Variants in GRIN2D observed in about 807,000 individuals in gnomAD.
GRIN2D encodes glutamate ionotropic receptor NMDA type subunit 2D, also known as glutamate receptor ionotropic, NMDA 2D.
In GRIN2D, 37 loss-of-function variants were observed where a neutral mutation model predicts 103.2. That is an observed-to-expected ratio of 0.36 (90% CI 0.28 to 0.47). The LOEUF (loss-of-function observed/expected upper bound fraction) is 0.47. GRIN2D is among the 20% of genes least tolerant of loss of function. GRIN2D has a pLI of 1.00. For synonymous variants in GRIN2D, 845 were observed against 885.6 expected, an observed-to-expected ratio of 0.95 and a Z score of 0.81; for missense variants, 1,557 against 1,910.6, an observed-to-expected ratio of 0.81 and a Z score of 3.45.
At chr19:48,436,105 C>CG (rs984630906) in intron 11 of GRIN2D, among the ~76,000 whole-genome samples, 6 of 152,096 alleles carry the variant, frequency 3.9e-5, no homozygotes, top group Admixed American at 1.3e-4. Flanking sequence ...TTTATCAAGA[C>CG]GGGGGGTCTG....
rs953945564 is a variant in GRIN2D, at chr19:48,393,830, C to G, written c.-344C>G. On this transcript the variant is annotated 5_prime_UTR_variant, in exon 1 of 14. Transcript: ENST00000263269. The surrounding 1 kb of genome is among the most constrained non-coding windows in gnomAD (Gnocchi z 5.6). ...GGGGTGTTGCCTGGGTAGGTCGGCC[C>G]GGCCCCCAGGGGTCTCTCGAGCGTC... 6.6e-6 allele frequency among the ~76,000 whole-genome samples: 1 copy of G among 151,934 alleles called. No individual in the cohort carries two copies. The highest frequency in any genetic ancestry group is 1.5e-5 in the Non-Finnish European group (1 of 67,972).
intron 11 of GRIN2D, among the ~76,000 whole-genome samples, chr19:48,432,384 A>G (rs1283162705): frequency 1.3e-5 from 2 of 151,482 alleles, no homozygotes; most frequent in African/African-American, 2.4e-5. Flanking sequence ...GGGTCTTTCA[A>G]TCGTATTCTC....
In GRIN2D at chr19:48,405,195, G is replaced by A. The variant is rs369747884; in HGVS notation, c.927G>A (p.Ser309=). Residue 309 remains serine, a synonymous_variant, in exon 4 of 14, where the codon TCG becomes TCA. Coordinates refer to ENST00000263269, the MANE Select transcript of GRIN2D (RefSeq NM_000836.4). The surrounding 1 kb of genome is among the most constrained non-coding windows in gnomAD (Gnocchi z 5.1). ...CTGCCGGGCTGTTTGCAGTGCGCTC[G>A]GCTGGCTGGCGGGATGACCTGGCTC... The part of the protein sequence containing the change: ...PLPAGLFAVR[S]AGWRDDLARR... 301 of 1,602,364 alleles carry A rather than the reference G, an allele frequency of 1.9e-4. 1 individual carries two copies. Among genetic ancestry groups the A allele is most frequent in the Admixed American group, 3.7e-4 (22 of 59,424 alleles).
At position 48,414,486 on chromosome 19, in the gene GRIN2D, G is replaced by A; in HGVS notation, c.1314G>A (p.Glu438=). The A allele has an allele frequency of 6.3e-7, 1 of 1,594,224 alleles. No individual in the cohort carries two copies. Among genetic ancestry groups the A allele is most frequent in the South Asian group, 1.1e-5 (1 of 88,006 alleles). ...AGCACCTCACGGTGGCCACGCTGGA[G>A]GAAAGGCCGTTTGTCATCGTGGAGC... is the stretch of plus-strand genomic sequence containing the variant. The part of the protein sequence containing the change: ...DTQHLTVATL[E]ERPFVIVEPA... The change falls in exon 6 of 14, where the codon GAG becomes GAA. Residue 438 remains glutamate, a synonymous_variant. Coordinates refer to ENST00000263269, the MANE Select transcript of GRIN2D (RefSeq NM_000836.4). The surrounding 1 kb of genome is among the most constrained non-coding windows in gnomAD (Gnocchi z 4.6).
chr19:48,419,448 G>T lies in GRIN2D; in HGVS notation c.1861+89G>T, dbSNP rs541207892. 2.9e-5 allele frequency: 44 copies of T among 1,499,506 alleles called. 1 individual carries two copies. In the Admixed American group the frequency reaches 3.7e-4, roughly 13 times the overall value. 92.9% of individuals were successfully genotyped at this position (1,499,506 alleles called of 1,614,324 possible). ...TTTCCCAGCAGCCCCTGGAGGGGGGGCGGTCAAGCTAGGGCCTCTCGGGAG... is the reference window on the plus strand; with the variant it reads ...TTTCCCAGCAGCCCCTGGAGGGGGGTCGGTCAAGCTAGGGCCTCTCGGGAG... On this transcript the variant is annotated intron_variant, in intron 9 of 13. Coordinates refer to ENST00000263269, the MANE Select transcript of GRIN2D (RefSeq NM_000836.4).
chr19:48,398,733 G>A lies in GRIN2D; in HGVS notation c.341G>A (p.Gly114Asp). 1.4e-6 allele frequency: 2 copies of A among 1,467,762 alleles called. No individual in the cohort carries two copies. The allele number at this position is 1,467,762 out of a possible 1,614,324, so 90.9% of individuals were successfully genotyped here. Residue 114 changes from glycine (G) to aspartate (D), a missense_variant, in exon 3 of 14, where the codon GGC becomes GAC. Gly to Asp is a moderately conservative substitution (Grantham distance 94, BLOSUM62 -1). This residue lies in a region of GRIN2D where 490 missense variants were observed against 601.1 expected (regional missense o/e 0.82). Transcript: ENST00000263269. ...CTGCTGTCGGGGTTGCGCGTGCACG[G>A]CGTGGTCTTCGAAGACGACTCGCGC... ...CDLLSGLRVH[G>D]VVFEDDSRAP...
chr19:48,398,566 G>A lies in GRIN2D; in HGVS notation c.174G>A (p.Ser58=). The change falls in exon 3 of 14, where the codon TCG becomes TCA. Residue 58 remains serine, a synonymous_variant. Coordinates refer to ENST00000263269, the MANE Select transcript of GRIN2D (RefSeq NM_000836.4). ...ARPLNVALVF[S]GPAYAAEAAR... is the part of the protein sequence containing the mutation. ...CGCTCAACGTGGCGCTCGTGTTCTCGGGGCCCGCGTACGCGGCCGAGGCGG... is the reference window on the plus strand; with the variant it reads ...CGCTCAACGTGGCGCTCGTGTTCTCAGGGCCCGCGTACGCGGCCGAGGCGG... 1 of 1,178,332 alleles carries A rather than the reference G, an allele frequency of 8.5e-7. No homozygotes were observed. The highest frequency in any genetic ancestry group is 1.0e-6 in the Non-Finnish European group (1 of 954,332). 73.0% of individuals were successfully genotyped at this position (1,178,332 alleles called of 1,614,324 possible). A position where few individuals can be genotyped will look rare whatever the true frequency, so the allele number is the denominator to read the frequency against.
At position 48,443,802 on chromosome 19, in the gene GRIN2D, C is replaced by G. The variant is rs1193405750; in HGVS notation, c.3876C>G (p.Arg1292=). 1 of 1,476,300 alleles carries G rather than the reference C, an allele frequency of 6.8e-7. No homozygotes were observed. Among genetic ancestry groups the G allele is most frequent in the Non-Finnish European group, 8.9e-7 (1 of 1,121,664 alleles). 91.5% of individuals were successfully genotyped at this position (1,476,300 alleles called of 1,614,324 possible). ...APARRLTGPS[R]HARRCPHAAH... is the part of the protein sequence containing the mutation. ...CGCGCAGGCTTACCGGGCCCTCCCGCCACGCTCGCAGGTGTCCGCACGCCG... is the reference window on the plus strand; with the variant it reads ...CGCGCAGGCTTACCGGGCCCTCCCGGCACGCTCGCAGGTGTCCGCACGCCG... Residue 1292 remains arginine (R), a synonymous_variant, in exon 14 of 14, where the codon CGC becomes CGG. Transcript: ENST00000263269. This position sits in a 1 kb window ranked among gnomAD's most constrained non-coding sequence, Gnocchi z 8.9.
In GRIN2D at chr19:48,442,079, C is replaced by CA. The variant is rs1486076113; in HGVS notation, c.2441-70dup. ...GAGGGAGGAAGGGGCTAAGGGCCTA[C>CA]ATTCCCACATCACAGACAAGGGTCC... On this transcript the variant is annotated intron_variant, in intron 12 of 13. Transcript: ENST00000263269. The surrounding 1 kb of genome is among the most constrained non-coding windows in gnomAD (Gnocchi z 7.2). The CA allele has an allele frequency of 2.6e-6, 4 of 1,527,732 alleles. No individual in the cohort carries two copies. The Admixed American group carries it at 6.9e-5, about 26-fold the overall frequency. 94.6% of individuals were successfully genotyped at this position (1,527,732 alleles called of 1,614,324 possible).
Position 48,419,221 on chromosome 19 carries a change from C to T in GRIN2D, c.1736-13C>T. On this transcript the variant is annotated splice_polypyrimidine_tract_variant and intron_variant, in intron 8 of 13. Transcript: ENST00000263269. The stretch of plus-strand genomic sequence containing the variant: ...CTTGGCTGAGCCATAACCACGCACT[C>T]CCTTGTCCCCAGAGCCCTACAGCCC... The T allele has an allele frequency of 6.2e-7, 1 of 1,600,550 alleles. No individual in the cohort carries two copies. Among genetic ancestry groups the T allele is most frequent in the Non-Finnish European group, 8.5e-7 (1 of 1,176,714 alleles).
Position 48,427,472 on chromosome 19 carries a change from CT to C in GRIN2D, c.2252+5552del, listed in dbSNP as rs1038381293. On this transcript the variant is annotated intron_variant, in intron 11 of 13. Transcript: ENST00000263269. Reference sequence around the variant, plus strand: ...TGGGATCATTCCTATATCTTCTTTTCTTTTTTTTTTTTTTTTTTTTTTTTTG... The same window carrying C: ...TGGGATCATTCCTATATCTTCTTTTCTTTTTTTTTTTTTTTTTTTTTTTTG... Among the ~76,000 whole-genome samples the C allele has an allele frequency of 1.0e-2, 829 of 83,280 alleles. 1 individual carries two copies. The highest frequency in any genetic ancestry group is 0.033 in the African/African-American group (646 of 19,696). 54.6% of individuals were successfully genotyped at this position (83,280 alleles called of 152,430 possible).
chr19:48,395,192 C>T (rs1362542361), intron 2 of GRIN2D, among the ~76,000 whole-genome samples: 2 of 151,912 alleles, frequency 1.3e-5, no homozygotes, highest in South Asian at 4.1e-4. Flanking sequence ...GGCTCCCTCT[C>T]CCCATCCCCA....
intron 3 of GRIN2D, among the ~76,000 whole-genome samples, chr19:48,401,962 T>A (rs1382278299): frequency 6.6e-6 from 1 of 152,026 alleles, no homozygotes; most frequent in Non-Finnish European, 1.5e-5. Flanking sequence ...GAGCTTGGCA[T>A]GGTGGTGCAT....
Position 48,442,342 on chromosome 19 carries a change from G to A in GRIN2D, c.2633G>A (p.Gly878Glu), listed in dbSNP as rs1421309033. 6.2e-7 allele frequency: 1 copy of A among 1,613,404 alleles called. No individual in the cohort carries two copies. Among genetic ancestry groups the A allele is most frequent in the Non-Finnish European group, 8.5e-7 (1 of 1,180,004 alleles). Reference protein sequence around the residue: ...LVYWRLRHCLGPTHRMDFLLA... With the variant: ...LVYWRLRHCLEPTHRMDFLLA... ...TACTGGCGCCTGCGGCACTGCCTGG[G>A]GCCCACCCACCGCATGGACTTCCTG... The change falls in exon 13 of 14, where the codon GGG (glycine) becomes GAG (glutamate). Residue 878 changes from glycine (G) to glutamate (E), a missense_variant. By Grantham distance (98) the Gly-to-Glu change is moderately conservative. Transcript: ENST00000263269. This position sits in a 1 kb window ranked among gnomAD's most constrained non-coding sequence, Gnocchi z 7.2.
At chr19:48,415,336 A>C (rs1600979187) in intron 7 of GRIN2D, among the ~76,000 whole-genome samples, 2 of 151,678 alleles carry the variant, frequency 1.3e-5, no homozygotes, top group African/African-American at 4.8e-5. Flanking sequence ...GCGCCACTGC[A>C]CTCCAGCCTG....
At chr19:48,417,454 A>C (rs1032551507) in intron 8 of GRIN2D, among the ~76,000 whole-genome samples, 3 of 152,158 alleles carry the variant, frequency 2.0e-5, no homozygotes, top group African/African-American at 7.2e-5. Flanking sequence ...AGAAGCGTAC[A>C]TCGGCCAAGG....
chr19:48,441,865 C>T lies in GRIN2D; in HGVS notation c.2349C>T (p.Val783=), dbSNP rs750228623. The part of the protein sequence containing the change: ...CKLVTIGSGK[V]FATTGYGIAL... ...TTGTCACCATCGGCTCCGGCAAGGT[C>T]TTCGCCACGACAGGCTATGGCATCG... Residue 783 remains valine, a synonymous_variant, in exon 12 of 14, where the codon GTC becomes GTT. Coordinates refer to ENST00000263269, the MANE Select transcript of GRIN2D (RefSeq NM_000836.4). 1 of 1,613,878 alleles carries T rather than the reference C, an allele frequency of 6.2e-7. No homozygotes were observed. Among genetic ancestry groups the T allele is most frequent in the Non-Finnish European group, 8.5e-7 (1 of 1,180,026 alleles).
chr19:48,436,288 A>C (rs1971229084), intron 11 of GRIN2D, among the ~76,000 whole-genome samples: 1 of 152,048 alleles, frequency 6.6e-6, no homozygotes. Flanking sequence ...TTGGACTCAC[A>C]GGCGGTCGAA....
chr19:48,436,505 A>G (rs1242890636), intron 11 of GRIN2D, among the ~76,000 whole-genome samples: 1 of 152,140 alleles, frequency 6.6e-6, no homozygotes, highest in Non-Finnish European at 1.5e-5. Flanking sequence ...CTTAATTTCT[A>G]ATCTTGCAGC....
Sources: gnomAD v4.1 joint callset for allele counts (sites outside exome capture counted in the v4.1 genomes callset) on GRCh38, gnomAD v4.1.1 for gene constraint, gnomAD v4.1.1 regional missense constraint, Gnocchi (gnomAD v3.1) non-coding constraint, MANE v1.5 for transcripts, NCBI Gene and HGNC (gene_info 2026-07-23, HGNC 2026-07-21) for gene names.